The following CST3 variants were observed in gnomAD, a reference collection of about 807,000 sequenced individuals.
CST3 encodes cystatin-C.
Under a neutral mutation model 9.0 loss-of-function variants are expected in CST3, and 14 were observed. The ratio of observed to expected loss-of-function variants is 1.56; its 90% confidence interval spans 1.03 to 2.44. The LOEUF (loss-of-function observed/expected upper bound fraction) is 2.44, where lower values mean the gene tolerates loss of function less well. Ranked by LOEUF, CST3 falls within the 30% of genes most tolerant of loss-of-function variation. CST3 has a pLI of 0.00. For missense variants in CST3, 237 were observed against 204.3 expected (o/e 1.16, Z -0.98); for synonymous variants, 96 against 90.2 (o/e 1.06, Z -0.37).
chr20:23,628,688 A>C (rs2122454993), downstream of CST3: 1 of 152,284 alleles, frequency 6.6e-6, no homozygotes, highest in East Asian at 1.9e-4. Flanking sequence ...TGCTTGGTGC[A>C]GGGACTCCAT....
At chr20:23,629,346 G>C (rs1979364064), downstream of CST3, 1 of 152,182 alleles carries the variant, frequency 6.6e-6, no homozygotes, top group Non-Finnish European at 1.5e-5. Flanking sequence ...CATGCATACA[G>C]CATGAGCTGC....
chr20:23,627,915 T>C (rs1013730852), exon 4 of CST3: 9 of 152,260 alleles, frequency 5.9e-5, no homozygotes, highest in Non-Finnish European at 1.3e-4. Context: ...TTTGCCTTTA[T>C]TTTTAAATTG....
rs768530334 is a variant in CST3 at position 23,637,603 on chromosome 20, C to A, written c.243+17G>T. On this transcript the variant is annotated intron_variant, in intron 1 of 2. Coordinates refer to ENST00000376925, the MANE Select transcript of CST3 (RefSeq NM_000099.4). The stretch of plus-strand genomic sequence containing the variant: ...GGCGGGGCCGGGGCTTCGGACCCTG[C>A]GGGGGGCGGCACGCACCTGCTTGCG... 1.5e-5 allele frequency: 22 copies of A among 1,506,164 alleles called. No individual in the cohort carries two copies. Among genetic ancestry groups the A allele is most frequent in the Admixed American group, 2.1e-5 (1 of 46,580 alleles). 93.3% of individuals were successfully genotyped at this position (1,506,164 alleles called of 1,614,324 possible).
intron 1 of CST3, 90 bp downstream of exon 1, chr20:23,637,530 G>C: frequency 7.9e-7 from 1 of 1,261,822 alleles, no homozygotes; most frequent in Non-Finnish European, 1.0e-6. Context: ...CCAGGCGCCG[G>C]AGAGGAGCAG....
rs923449831 is a variant in CST3, at chr20:23,637,612, G to A, written c.243+8C>T. 2.0e-5 allele frequency: 31 copies of A among 1,514,558 alleles called. No individual in the cohort carries two copies. Among genetic ancestry groups the A allele is most frequent in the African/African-American group, 7.2e-5 (5 of 69,094 alleles). The allele number at this position is 1,514,558 out of a possible 1,614,324, so 93.8% of individuals were successfully genotyped here. On this transcript the variant is annotated splice_region_variant and intron_variant, in intron 1 of 2. Transcript: ENST00000376925. ...GGGGCTTCGGACCCTGCGGGGGGCG[G>A]CACGCACCTGCTTGCGGGCGCGCAC...
chr20:23,635,161 G>A (rs970731530), intron 2 of CST3, 93 bp downstream of exon 2: 45 of 1,102,134 alleles, frequency 4.1e-5, no homozygotes, highest in Middle Eastern at 2.0e-4. Context: ...ACATGCACAC[G>A]TACCCTGCAG....
At chr20:23,632,571 T>G (rs1215836469), downstream of CST3, among the ~76,000 whole-genome samples, 1 of 152,196 alleles carries the variant, frequency 6.6e-6, no homozygotes, top group African/African-American at 2.4e-5. Context: ...CTCCCTGCCG[T>G]GTCCCCTGCT....
chr20:23,635,136 TAC>T (rs893339927), intron 2 of CST3, 116 bp downstream of exon 2: 31 of 895,926 alleles, frequency 3.5e-5, no homozygotes, highest in Admixed American at 3.0e-4. Flanking sequence ...TCTCCACGTG[TAC>T]ACACACTCAG....
chr20:23,637,646 G>T lies in CST3; in HGVS notation c.217C>A (p.Leu73Met). ...ASNDMYHSRA[L>M]QVVRARKQIV... is the part of the protein sequence containing the mutation. ...TGCTTGCGGGCGCGCACCACCTGCA[G>T]CGCGCGGCTGTGGTACATGTCGTTG... is the stretch of plus-strand genomic sequence containing the variant. Residue 73 changes from leucine to methionine, a missense_variant, in exon 1 of 3, where the codon CTG becomes ATG. Coordinates refer to ENST00000376925, the MANE Select transcript of CST3 (RefSeq NM_000099.4). 6.5e-7 allele frequency: 1 copy of T among 1,527,106 alleles called. No individual in the cohort carries two copies. The highest frequency in any genetic ancestry group is 1.4e-5 in the African/African-American group (1 of 69,784). 94.6% of individuals were successfully genotyped at this position (1,527,106 alleles called of 1,614,324 possible). A position where few individuals can be genotyped will look rare whatever the true frequency, so the allele number is the denominator to read the frequency against.
chr20:23,630,661 G>A (rs542918967), downstream of CST3, among the ~76,000 whole-genome samples: 67 of 152,008 alleles, frequency 4.4e-4, no homozygotes, highest in Middle Eastern at 3.4e-3. Context: ...CTAGTCCAAG[G>A]TCACTCCCGT....
intron 1 of CST3, 111 bp downstream of exon 1, chr20:23,637,509 G>C (rs947691637): frequency 6.5e-6 from 7 of 1,081,900 alleles, no homozygotes; most frequent in Non-Finnish European, 8.7e-6. Flanking sequence ...AACAGGGTCC[G>C]GGTGAGAAGC....
intron 2 of CST3, among the ~76,000 whole-genome samples, chr20:23,634,941 G>C (rs529134330): frequency 1.4e-4 from 21 of 151,266 alleles, no homozygotes; most frequent in African/African-American, 4.9e-4. Context: ...TATGTTCACA[G>C]AAACCCCCAT....
intron 1 of CST3, among the ~76,000 whole-genome samples, chr20:23,636,338 T>C (rs1979673771): frequency 1.3e-5 from 2 of 152,210 alleles, no homozygotes; most frequent in Admixed American, 1.3e-4. Flanking sequence ...CAGGTCAAGC[T>C]GGGCCTGGTA....
Position 23,633,873 on chromosome 20 carries a change from G to A in CST3, c.*43C>T. The A allele has an allele frequency of 6.6e-7, 1 of 1,515,222 alleles. No homozygotes were observed. Among genetic ancestry groups the A allele is most frequent in the South Asian group, 1.1e-5 (1 of 89,050 alleles). The allele number at this position is 1,515,222 out of a possible 1,614,324, so 93.9% of individuals were successfully genotyped here. A position where few individuals can be genotyped will look rare whatever the true frequency, so the allele number is the denominator to read the frequency against. On this transcript the variant is annotated 3_prime_UTR_variant, in exon 3 of 3. Transcript: ENST00000376925. ...GGTGGGAATACAGGGGGTGGGAGGT[G>A]TGCATAAGAGGTGATAGGCACAGGC...
intron 1 of CST3, 34 bp downstream of exon 1, chr20:23,637,586 C>CG: frequency 6.8e-7 from 1 of 1,474,146 alleles, no homozygotes; most frequent in Non-Finnish European, 9.0e-7. Flanking sequence ...ACGGCGGGGC[C>CG]GGGGCTTCGG....
At chr20:23,630,440 A>ATGTC (rs1166311689), downstream of CST3, among the ~76,000 whole-genome samples, 1 of 152,206 alleles carries the variant, frequency 6.6e-6, no homozygotes, top group Non-Finnish European at 1.5e-5. Flanking sequence ...AATTAAAGGA[A>ATGTC]TGTCTGTTCC....
chr20:23,634,118 T>C, intron 2 of CST3, 119 bp from the exon 3 acceptor site: 2 of 812,434 alleles, frequency 2.5e-6, no homozygotes, highest in Non-Finnish European at 4.2e-6. Context: ...TGGGCCCTTA[T>C]CTACCCCTCC....
intron 1 of CST3, 131 bp downstream of exon 1, chr20:23,637,489 G>C (rs1042689537): frequency 1.1e-6 from 1 of 928,514 alleles, no homozygotes; most frequent in African/African-American, 1.8e-5. Flanking sequence ...GGGTGACAGC[G>C]AAGACCGGGA....
At chr20:23,629,205 G>A (rs1303846856), downstream of CST3, 2 of 152,404 alleles carry the variant, frequency 1.3e-5, no homozygotes, top group African/African-American at 2.4e-5. Flanking sequence ...GAAAAAGGCG[G>A]AGTGAGAGGG....
Sources: allele counts gnomAD v4.1 joint callset (sites outside exome capture counted in the v4.1 genomes callset), GRCh38; gene constraint gnomAD v4.1.1; transcripts MANE v1.5; gene names NCBI Gene and HGNC (gene_info 2026-07-23, HGNC 2026-07-21).